Variants in PRDM5 observed in about 807,000 individuals in gnomAD.
PRDM5 encodes PR domain zinc finger protein 5.
PRDM5 carries 56 observed loss-of-function variants against 81.2 expected under a neutral mutation model. That is an observed-to-expected ratio of 0.69 (90% CI 0.56 to 0.86). PRDM5 has a LOEUF of 0.86. Ranked by LOEUF, PRDM5 falls within the 40% of genes least tolerant of loss-of-function variation. The probability of loss-of-function intolerance (pLI) is 0.00; values close to 1 mark genes in which losing one functional copy is unlikely to be tolerated. For synonymous variants in PRDM5, 267 were observed against 256.4 expected (o/e 1.04, Z -0.39); for missense variants, 697 against 770.1 (o/e 0.91, Z 1.12).
At chr4:120,705,297 T>C (rs1309045490) in intron 15 of PRDM5, among the ~76,000 whole-genome samples, 2 of 152,204 alleles carry the variant, frequency 1.3e-5, no homozygotes, top group Non-Finnish European at 2.9e-5. Flanking sequence ...CCTTGTGTCA[T>C]TGAGCTTATA....
Position 120,821,239 on chromosome 4 carries a change from T to C in PRDM5, c.407A>G (p.Gln136Arg). The C allele has an allele frequency of 1.9e-6, 3 of 1,614,138 alleles. No individual in the cohort carries two copies. Among genetic ancestry groups the C allele is most frequent in the Non-Finnish European group, 2.5e-6 (3 of 1,179,998 alleles). Reference sequence around the variant, plus strand: ...CCCTTCTTTGATGACTGTCATAATTTGCTGTTCTTCCTCCTCAGCCTCCAT... The same window carrying C: ...CCCTTCTTTGATGACTGTCATAATTCGCTGTTCTTCCTCCTCAGCCTCCAT... ...SDMEAEEEEQ[Q>R]IMTVIKEGEV... The change falls in exon 4 of 16, where the codon CAA (glutamine) becomes CGA (arginine). Residue 136 changes from glutamine to arginine, a missense_variant. Around this residue, in one of 3 missense-constraint regions of PRDM5, gnomAD observed 577 missense variants for 606.7 expected, o/e 0.95. Transcript: ENST00000264808.
chr4:120,773,356 G>T (rs1747579708), intron 13 of PRDM5, among the ~76,000 whole-genome samples: 1 of 152,130 alleles, frequency 6.6e-6, no homozygotes, highest in Non-Finnish European at 1.5e-5. Flanking sequence ...AATTTAGAAT[G>T]CTCCCAAGTG....
At chr4:120,802,828 T>A (rs1484299017) in intron 8 of PRDM5, among the ~76,000 whole-genome samples, 3 of 152,150 alleles carry the variant, frequency 2.0e-5, no homozygotes, top group Non-Finnish European at 2.9e-5. Context: ...ACGCAGCTCC[T>A]TGCCAGCAAC....
intron 2 of PRDM5, among the ~76,000 whole-genome samples, chr4:120,872,126 G>T (rs1265031180): frequency 8.0e-6 from 1 of 124,606 alleles, no homozygotes; most frequent in Non-Finnish European, 1.7e-5. Context: ...ATTCCAGCCT[G>T]GGCGACAGAG....
intron 10 of PRDM5, among the ~76,000 whole-genome samples, chr4:120,789,327 T>C (rs1750236191): frequency 6.6e-6 from 1 of 152,228 alleles, no homozygotes; most frequent in Non-Finnish European, 1.5e-5. Context: ...AATACATTTC[T>C]AGCCACACAG....
At chr4:120,784,825 C>A (rs1019037456) in intron 11 of PRDM5, among the ~76,000 whole-genome samples, 173 bp downstream of exon 11, 1 of 151,622 alleles carries the variant, frequency 6.6e-6, no homozygotes, top group East Asian at 1.9e-4. Flanking sequence ...AAAAATAAAG[C>A]AAATATAAAG....
At chr4:120,736,488 C>T (rs989399626) in intron 14 of PRDM5, among the ~76,000 whole-genome samples, 3 of 152,124 alleles carry the variant, frequency 2.0e-5, no homozygotes, top group Non-Finnish European at 4.4e-5. Context: ...AAAATGCCAA[C>T]ACTCTGAGAT....
intron 14 of PRDM5, among the ~76,000 whole-genome samples, chr4:120,735,575 C>T (rs114367942): frequency 0.015 from 2,354 of 152,160 alleles, 53 homozygotes; most frequent in African/African-American, 0.054. Flanking sequence ...ATTTCTCCTG[C>T]CAGGTCTGGA....
At chr4:120,849,786 T>G (rs1463408913) in intron 3 of PRDM5, among the ~76,000 whole-genome samples, 1 of 152,202 alleles carries the variant, frequency 6.6e-6, no homozygotes, top group Non-Finnish European at 1.5e-5. Flanking sequence ...ATTTTTTTCC[T>G]TTAGTGCAAC....
intron 14 of PRDM5, among the ~76,000 whole-genome samples, chr4:120,744,359 C>A (rs1289696365): frequency 6.6e-6 from 1 of 152,018 alleles, no homozygotes; most frequent in East Asian, 1.9e-4. Context: ...CCTAACATCA[C>A]AATTAAAAGA....
At chr4:120,862,834 C>T (rs1422117943) in intron 2 of PRDM5, among the ~76,000 whole-genome samples, 1 of 152,042 alleles carries the variant, frequency 6.6e-6, no homozygotes, top group Non-Finnish European at 1.5e-5. Context: ...AAACGTCACA[C>T]ATGTATGGCT....
intron 2 of PRDM5, among the ~76,000 whole-genome samples, chr4:120,854,308 G>T (rs1380368634): frequency 1.3e-5 from 2 of 152,062 alleles, no homozygotes; most frequent in Admixed American, 6.6e-5. Context: ...CTAGGGACTT[G>T]CCCAGTTTAT....
chr4:120,754,472 G>T (rs1308048738), intron 14 of PRDM5, 81 bp downstream of exon 14: 3 of 945,328 alleles, frequency 3.2e-6, no homozygotes, highest in East Asian at 2.7e-5. Flanking sequence ...CCTTTATTTT[G>T]TAATATAAAG....
intron 9 of PRDM5, 36 bp downstream of exon 9, chr4:120,799,625 T>G: frequency 6.2e-7 from 1 of 1,604,414 alleles, no homozygotes; most frequent in Non-Finnish European, 8.5e-7. Context: ...TTTTTTGTAA[T>G]GATATCACTA....
intron 14 of PRDM5, among the ~76,000 whole-genome samples, chr4:120,750,687 T>TACACACAC (rs56024428): frequency 0.015 from 2,163 of 147,610 alleles, 35 homozygotes; most frequent in Middle Eastern, 0.049. Context: ...TAGTTTCTTT[T>TACACACAC]ACACACACAC....
intron 13 of PRDM5, chr4:120,762,588 T>C (rs1447828870): frequency 6.6e-6 from 1 of 152,188 alleles, no homozygotes. Flanking sequence ...CAATTACTTT[T>C]CCAATCTCAC....
Position 120,729,037 on chromosome 4 carries a change from G to A in PRDM5, c.1624-18624C>T, listed in dbSNP as rs78716067. ...ATGAATCTAGGACCCCGCAGGAGAC[G>A]GCTTTCCCTCTAATGAATTATGGTT... is the stretch of plus-strand genomic sequence containing the variant. On this transcript the variant is annotated intron_variant, in intron 14 of 15. Coordinates refer to ENST00000264808, the MANE Select transcript of PRDM5 (RefSeq NM_018699.4). 6.5e-3 allele frequency among the ~76,000 whole-genome samples: 987 copies of A among 152,226 alleles called. 3 individuals carry two copies. The highest frequency in any genetic ancestry group is 0.011 in the Non-Finnish European group (771 of 68,022).
intron 2 of PRDM5, among the ~76,000 whole-genome samples, chr4:120,858,591 G>GCA (rs138957871): frequency 0.12 from 17,717 of 150,486 alleles, 1,259 homozygotes; most frequent in East Asian, 0.16. Flanking sequence ...GCGCACGCAC[G>GCA]CACACACACA....
intron 14 of PRDM5, among the ~76,000 whole-genome samples, chr4:120,719,217 C>G (rs1099237): frequency 0.5 from 76,372 of 152,042 alleles, 20,153 homozygotes; most frequent in East Asian, 0.75. Context: ...CCCAAAATAT[C>G]TCCCGACATT....
Sources: allele counts gnomAD v4.1 joint callset (sites outside exome capture counted in the v4.1 genomes callset), GRCh38; gene constraint gnomAD v4.1.1; regional missense constraint gnomAD v4.1.1; transcripts MANE v1.5; gene names NCBI Gene and HGNC (gene_info 2026-07-23, HGNC 2026-07-21).